The following CLEC1B variants were observed in gnomAD, a reference collection of about 807,000 sequenced individuals.
The protein encoded by CLEC1B is C-type lectin-like receptor 2.
Under a neutral mutation model 26.7 loss-of-function variants are expected in CLEC1B, and 26 were observed. That is an observed-to-expected ratio of 0.97 (90% CI 0.71 to 1.35). CLEC1B has a LOEUF of 1.35. Ranked by LOEUF, CLEC1B falls within the 40% of genes most tolerant of loss-of-function variation. The pLI is 0.00. For synonymous variants in CLEC1B, 112 were observed against 96.0 expected (o/e 1.17, Z -0.97); for missense variants, 293 against 282.6 (o/e 1.04, Z -0.26).
chr12:9,994,790 C>T lies in CLEC1B; in HGVS notation c.545+350G>A, dbSNP rs539046526. Among the ~76,000 whole-genome samples the T allele has an allele frequency of 1.3e-4, 20 of 151,906 alleles. 1 individual carries two copies. Among genetic ancestry groups the T allele is most frequent in the African/African-American group, 4.6e-4 (19 of 41,422 alleles). ...TGTTTTAAAAATATGTGAAGATAAT[C>T]AGAACAAGCAAAACACAAAAACACA... On this transcript the variant is annotated intron_variant, in intron 5 of 5. Transcript: ENST00000298527.
intron 5 of CLEC1B, 140 bp downstream of exon 5, chr12:9,995,000 C>T (rs1865002408): frequency 1.1e-5 from 17 of 1,557,740 alleles, no homozygotes; most frequent in Admixed American, 5.2e-5. Flanking sequence ...ATGACCAGCG[C>T]TGTCTTGTTT....
upstream of CLEC1B, among the ~76,000 whole-genome samples, chr12:10,001,763 C>T (rs761666803): frequency 6.6e-6 from 1 of 152,178 alleles, no homozygotes; most frequent in Non-Finnish European, 1.5e-5. Flanking sequence ...CTTTTAATCA[C>T]CCTCCAAGTC....
At chr12:10,001,878 A>T (rs1865163550), upstream of CLEC1B, among the ~76,000 whole-genome samples, 1 of 131,702 alleles carries the variant, frequency 7.6e-6, no homozygotes, top group South Asian at 2.3e-4. Flanking sequence ...AGCTAAACAA[A>T]ATCTTTTTTT....
intron 5 of CLEC1B, 122 bp from the exon 6 acceptor site, chr12:9,993,409 A>AAC (rs1864944879): frequency 1.3e-6 from 1 of 745,388 alleles, no homozygotes; most frequent in South Asian, 1.6e-5. Flanking sequence ...AAAAAAACAA[A>AAC]AAAAAAAACG....
In CLEC1B at chr12:9,997,017, C is replaced by T; in HGVS notation, c.284-17G>A. ...TATGACCTTCTGGAGAAACCAAGCA[C>T]AGGAATGGTGTATTTTTTCTAAATT... On this transcript the variant is annotated splice_polypyrimidine_tract_variant and intron_variant, in intron 3 of 5. Transcript: ENST00000298527. 6.2e-7 allele frequency: 1 copy of T among 1,613,350 alleles called. No individual in the cohort carries two copies. Among genetic ancestry groups the T allele is most frequent in the Non-Finnish European group, 8.5e-7 (1 of 1,179,716 alleles).
chr12:9,994,308 A>T (rs1266314012), intron 5 of CLEC1B, among the ~76,000 whole-genome samples: 1 of 152,188 alleles, frequency 6.6e-6, no homozygotes, highest in Admixed American at 6.6e-5. Flanking sequence ...GGCAGCAAGC[A>T]ATAGGAGATA....
In CLEC1B at chr12:9,995,166, C is replaced by A; in HGVS notation, c.519G>T (p.Glu173Asp). 1 of 1,613,000 alleles carries A rather than the reference C, an allele frequency of 6.2e-7. No homozygotes were observed. Residue 173 changes from glutamate to aspartate, a missense_variant, in exon 5 of 6, where the codon GAG (glutamate) becomes GAT (aspartate). Coordinates refer to ENST00000298527, the MANE Select transcript of CLEC1B (RefSeq NM_016509.4). ...RQKSNEVWKW[E>D]DGSVISENMF... ...TATTTTCTGAGATAACCGAGCCATC[C>A]TCCCACTTCCAGACCTCATTCGACT...
In CLEC1B at chr12:9,998,576, C is replaced by T. The variant is rs117134657; in HGVS notation, c.65-196G>A. On this transcript the variant is annotated intron_variant, in intron 1 of 5. Coordinates refer to ENST00000298527, the MANE Select transcript of CLEC1B (RefSeq NM_016509.4). ...CACCCCTATACCATACATCCATTCTCATCTCCAATGCACTTTACCTCTCCA... is the reference window on the plus strand; with the variant it reads ...CACCCCTATACCATACATCCATTCTTATCTCCAATGCACTTTACCTCTCCA... Among the ~76,000 whole-genome samples the T allele has an allele frequency of 1.5e-3, 214 of 139,166 alleles. 37 individuals carry two copies. In the East Asian group the frequency reaches 0.035, roughly 23 times the overall value. 91.3% of individuals were successfully genotyped at this position (139,166 alleles called of 152,430 possible). A position where few individuals can be genotyped will look rare whatever the true frequency, so the allele number is the denominator to read the frequency against.
chr12:9,999,634 T>G (rs1865131756), upstream of CLEC1B, among the ~76,000 whole-genome samples: 1 of 152,230 alleles, frequency 6.6e-6, no homozygotes, highest in South Asian at 2.1e-4. Flanking sequence ...CATTCCTGAT[T>G]ATGACCTAGA....
At position 9,993,108 on chromosome 12, in the gene CLEC1B, G is replaced by T. The variant is rs772842340; in HGVS notation, c.*35C>A. The T allele has an allele frequency of 1.3e-6, 2 of 1,583,552 alleles. No individual in the cohort carries two copies. The highest frequency in any genetic ancestry group is 1.7e-6 in the Non-Finnish European group (2 of 1,157,878). On this transcript the variant is annotated 3_prime_UTR_variant, in exon 6 of 6. Transcript: ENST00000298527. ...TACATATCTTTTATTGTACAATAAA[G>T]CCCTTATCTGTGTTATCCTGTCCAC...
chr12:9,993,206 C>T lies in CLEC1B; in HGVS notation c.627G>A (p.Glu209=). 5.0e-6 allele frequency: 8 copies of T among 1,612,736 alleles called. No homozygotes were observed. The highest frequency in any genetic ancestry group is 6.8e-6 in the Non-Finnish European group (8 of 1,179,098). ...TCTCACACATTAAATAATGTTTGTT[C>T]TCACAGAAGGTAGGGTGCATTTTCC... ...HNGKMHPTFC[E]NKHYLMCERK... The change falls in exon 6 of 6, where the codon GAG becomes GAA. Residue 209 remains glutamate, a synonymous_variant. Coordinates refer to ENST00000298527, the MANE Select transcript of CLEC1B (RefSeq NM_016509.4).
chr12:9,996,451 G>A, intron 4 of CLEC1B, among the ~76,000 whole-genome samples: 1 of 152,134 alleles, frequency 6.6e-6, no homozygotes, highest in East Asian at 1.9e-4. Context: ...TATTTTGCTG[G>A]AGTGGAAAGA....
At chr12:10,001,670 T>G (rs1424852720), upstream of CLEC1B, among the ~76,000 whole-genome samples, 1 of 152,190 alleles carries the variant, frequency 6.6e-6, no homozygotes, top group African/African-American at 2.4e-5. Context: ...CAGCAAAAAT[T>G]AAGCAGAGAA....
chr12:9,999,916 C>T (rs1338419417), upstream of CLEC1B, among the ~76,000 whole-genome samples: 1 of 152,140 alleles, frequency 6.6e-6, no homozygotes, highest in East Asian at 1.9e-4. Flanking sequence ...TTCCTAGCAC[C>T]TTTTCATCAC....
rs1865072151 is a variant in CLEC1B, at chr12:9,997,141, T to C, written c.283+19A>G. The C allele has an allele frequency of 6.2e-7, 1 of 1,613,628 alleles. No individual in the cohort carries two copies. Among genetic ancestry groups the C allele is most frequent in the Non-Finnish European group, 8.5e-7 (1 of 1,179,822 alleles). ...TCCAGGGGTTGGAGAGATGAAGAGGTTAAAAAAACAATACTTACTGAAAGT... is the reference window on the plus strand; with the variant it reads ...TCCAGGGGTTGGAGAGATGAAGAGGCTAAAAAAACAATACTTACTGAAAGT... On this transcript the variant is annotated intron_variant, in intron 3 of 5. Coordinates refer to ENST00000298527, the MANE Select transcript of CLEC1B (RefSeq NM_016509.4).
chr12:9,996,664 T>C (rs911786440), intron 4 of CLEC1B, 182 bp downstream of exon 4: 37 of 718,704 alleles, frequency 5.1e-5, no homozygotes, highest in Middle Eastern at 3.6e-4. Context: ...ATCAGTGTTG[T>C]AGAATATTAT....
At chr12:10,000,820 TC>T (rs1865149761), upstream of CLEC1B, among the ~76,000 whole-genome samples, 2 of 152,368 alleles carry the variant, frequency 1.3e-5, no homozygotes, top group East Asian at 3.9e-4. Context: ...CATCAGCAAG[TC>T]CTGAGGCTAT....
chr12:9,998,650 T>TTTTGC (rs1865112585), intron 1 of CLEC1B, among the ~76,000 whole-genome samples: 1 of 49,018 alleles, frequency 2.0e-5, no homozygotes, highest in Non-Finnish European at 4.9e-5. Flanking sequence ...GTATTTTTTG[T>TTTTGC]TTTGTTTTGT....
At position 9,996,905 on chromosome 12, in the gene CLEC1B, T is replaced by C. The variant is rs763938177; in HGVS notation, c.379A>G (p.Lys127Glu). The C allele has an allele frequency of 5.1e-5, 83 of 1,613,896 alleles. No homozygotes were observed. Among genetic ancestry groups the C allele is most frequent in the Middle Eastern group, 1.6e-4 (1 of 6,084 alleles). Residue 127 changes from lysine to glutamate, a missense_variant, in exon 4 of 6, where the codon AAG becomes GAG. Lys to Glu is a moderately conservative substitution (Grantham distance 56). Coordinates refer to ENST00000298527, the MANE Select transcript of CLEC1B (RefSeq NM_016509.4). ...GCATTCATGTCAGTGCAGTACTGCTTACTCTCTTCCCATGTTAAGTTGTGC... is the reference window on the plus strand; with the variant it reads ...GCATTCATGTCAGTGCAGTACTGCTCACTCTCTTCCCATGTTAAGTTGTGC... ...FRHNLTWEESKQYCTDMNATL... is the reference protein window; with the variant it reads ...FRHNLTWEESEQYCTDMNATL...
Sources: gnomAD v4.1 joint callset for allele counts (sites outside exome capture counted in the v4.1 genomes callset) on GRCh38, gnomAD v4.1.1 for gene constraint, MANE v1.5 for transcripts, NCBI Gene and HGNC (gene_info 2026-07-23, HGNC 2026-07-21) for gene names.